The following UQCC5 variants were observed in gnomAD, a reference collection of about 807,000 sequenced individuals.
UQCC5 encodes UPF0640 protein C3orf78.
At chr3:52,539,907 G>T in the UQCC5 span, among the ~76,000 whole-genome samples, 1 of 152,226 alleles carries the variant, frequency 6.6e-6, no homozygotes. Flanking sequence ...AAAGTGCTGG[G>T]ATTACAGGCG....
chr3:52,538,604 G>A, the UQCC5 span, among the ~76,000 whole-genome samples: 1 of 152,200 alleles, frequency 6.6e-6, no homozygotes, highest in Non-Finnish European at 1.5e-5. Context: ...TGGGATTACA[G>A]GCATGCACCA....
At chr3:52,539,980 G>A in the UQCC5 span, among the ~76,000 whole-genome samples, 5 of 152,202 alleles carry the variant, frequency 3.3e-5, no homozygotes, top group East Asian at 5.8e-4. Flanking sequence ...TCAAAGGTCT[G>A]GCAAAGCAGC....
At chr3:52,538,729 G>C in the UQCC5 span, among the ~76,000 whole-genome samples, 1 of 152,164 alleles carries the variant, frequency 6.6e-6, no homozygotes, top group Non-Finnish European at 1.5e-5. Context: ...CCAAAGTGCT[G>C]GGATTACAGG....
At chr3:52,537,430 T>A in the UQCC5 span, among the ~76,000 whole-genome samples, 1 of 152,242 alleles carries the variant, frequency 6.6e-6, no homozygotes, top group African/African-American at 2.4e-5. Context: ...ACTGCATTAC[T>A]GAGCATTAAC....
At chr3:52,540,501 G>A in the UQCC5 span, 1 of 1,495,888 alleles carries the variant, frequency 6.7e-7, no homozygotes, top group Middle Eastern at 1.7e-4. Context: ...AACTTCAGCA[G>A]TCAATAAAGT....
chr3:52,537,226 G>A, the UQCC5 span, among the ~76,000 whole-genome samples: 4 of 152,214 alleles, frequency 2.6e-5, no homozygotes, highest in Non-Finnish European at 4.4e-5. Context: ...ATCGTAGAAG[G>A]GGGTGGATAT....
chr3:52,539,133 C>T, the UQCC5 span, among the ~76,000 whole-genome samples: 1 of 152,044 alleles, frequency 6.6e-6, no homozygotes, highest in Admixed American at 6.5e-5. Context: ...TGTCAGACAC[C>T]TCAGTGGACC....
the UQCC5 span, among the ~76,000 whole-genome samples, chr3:52,540,056 T>C: frequency 6.6e-6 from 1 of 152,182 alleles, no homozygotes; most frequent in African/African-American, 2.4e-5. Flanking sequence ...AGAGGGAGCA[T>C]CAGAGAGCCA....
the UQCC5 span, among the ~76,000 whole-genome samples, chr3:52,539,638 ATTT>A: frequency 5.7e-5 from 8 of 139,694 alleles, no homozygotes; most frequent in Non-Finnish European, 4.7e-5. Context: ...AAGGAAGAAG[ATTT>A]TTTTTTTTTT....
At chr3:52,536,789 C>G in the UQCC5 span, 4 of 1,551,722 alleles carry the variant, frequency 2.6e-6, no homozygotes, top group South Asian at 4.8e-5. Context: ...ACGGATTCTG[C>G]AGCGGGTGCC....
At chr3:52,539,270 A>G in the UQCC5 span, among the ~76,000 whole-genome samples, 3 of 152,132 alleles carry the variant, frequency 2.0e-5, no homozygotes, top group Admixed American at 1.3e-4. Flanking sequence ...TATTGACAAG[A>G]GTATGAAGGA....
At chr3:52,538,533 C>T in the UQCC5 span, among the ~76,000 whole-genome samples, 1 of 152,186 alleles carries the variant, frequency 6.6e-6, no homozygotes, top group African/African-American at 2.4e-5. Flanking sequence ...GCGATCTTGG[C>T]TCACCGCAAC....
the UQCC5 span, among the ~76,000 whole-genome samples, chr3:52,539,800 G>A: frequency 1.3e-5 from 2 of 152,024 alleles, no homozygotes; most frequent in African/African-American, 4.8e-5. Flanking sequence ...CACCACACCC[G>A]GTTAATTTTT....
the UQCC5 span, among the ~76,000 whole-genome samples, chr3:52,539,818 T>C: frequency 1.6e-4 from 25 of 152,230 alleles, no homozygotes; most frequent in African/African-American, 5.5e-4. Flanking sequence ...TTTGTATTTT[T>C]AGTAGTGACG....
the UQCC5 span, chr3:52,541,648 T>A: frequency 6.6e-6 from 1 of 152,194 alleles, no homozygotes; most frequent in Non-Finnish European, 1.5e-5. Context: ...GAGAGGACGG[T>A]GGTTCATCGT....
the UQCC5 span, chr3:52,541,547 A>G: frequency 6.6e-6 from 1 of 152,212 alleles, no homozygotes; most frequent in African/African-American, 2.4e-5. Context: ...ATCTCCTTAA[A>G]GCACTACCTA....
the UQCC5 span, among the ~76,000 whole-genome samples, chr3:52,540,166 T>C: frequency 7.9e-5 from 12 of 152,354 alleles, no homozygotes; most frequent in South Asian, 2.5e-3. Context: ...GAGGGACATC[T>C]TAAAACACTA....
the UQCC5 span, among the ~76,000 whole-genome samples, chr3:52,539,502 T>G: frequency 1.2e-4 from 19 of 152,212 alleles, no homozygotes; most frequent in East Asian, 3.7e-3. Context: ...TGGTGGTATC[T>G]GGGGAGAAGG....
the UQCC5 span, chr3:52,540,381 AAT>A: frequency 2.1e-4 from 289 of 1,376,942 alleles, no homozygotes; most frequent in African/African-American, 3.3e-3. Flanking sequence ...TTTAATTTTA[AAT>A]ATGTTTCTTA....
Sources: gnomAD v4.1 joint callset for allele counts (sites outside exome capture counted in the v4.1 genomes callset) on GRCh38, gnomAD v4.1.1 for gene constraint, MANE v1.5 for transcripts, NCBI Gene and HGNC (gene_info 2026-07-23, HGNC 2026-07-21) for gene names.